CDK10: variants seen among roughly 807,000 people sequenced by gnomAD.
The protein encoded by CDK10 is cyclin dependent kinase 10.
CDK10 carries 55 observed loss-of-function variants against 51.0 expected under a neutral mutation model. The ratio of observed to expected loss-of-function variants is 1.08; its 90% CI spans 0.87 to 1.35. The LOEUF (loss-of-function observed/expected upper bound fraction) is 1.35. CDK10 is among the 40% of genes most tolerant of loss of function. The pLI is 0.00. For synonymous variants in CDK10, 255 were observed against 199.1 expected (o/e 1.28, Z -2.36); for missense variants, 589 against 485.1 (o/e 1.21, Z -2.01).
chr16:89,691,767 G>A (rs761149490), intron 4 of CDK10, 39 bp from the exon 5 acceptor site: 2 of 1,588,046 alleles, frequency 1.3e-6, no homozygotes, highest in Non-Finnish European at 1.7e-6. Context: ...CCCCTTAGGA[G>A]AAGGCCGGAG....
Position 89,695,342 on chromosome 16 carries a change from C to T in CDK10, c.982C>T (p.Leu328=). The T allele has an allele frequency of 1.2e-6, 2 of 1,612,430 alleles. No individual in the cohort carries two copies. Among genetic ancestry groups the T allele is most frequent in the Non-Finnish European group, 1.7e-6 (2 of 1,178,934 alleles). ...GAGCTCCTATTTCAAGGAGAAGCCC[C>T]TACGTGAGTGTGCAGGGTTCCTGAC... ...LESSYFKEKP[L]PCEPELMPTF... The change falls in exon 12 of 13, where the codon CTA becomes TTA. Residue 328 remains leucine (L), a synonymous_variant. Transcript: ENST00000353379.
chr16:89,689,249 C>G lies in CDK10; in HGVS notation c.88-3C>G. 1 of 1,614,038 alleles carries G rather than the reference C, an allele frequency of 6.2e-7. No individual in the cohort carries two copies. The highest frequency in any genetic ancestry group is 8.5e-7 in the Non-Finnish European group (1 of 1,179,914). On this transcript the variant is annotated splice_region_variant and splice_polypyrimidine_tract_variant and intron_variant, in intron 1 of 12. Transcript: ENST00000353379. ...CCACACTGGCAACACCCTTCTGTTTCAGCTGGGACGATGCCGGAGTGTGAA... is the reference window on the plus strand; with the variant it reads ...CCACACTGGCAACACCCTTCTGTTTGAGCTGGGACGATGCCGGAGTGTGAA...
chr16:89,691,631 C>T (rs774582055), intron 4 of CDK10, 86 bp downstream of exon 4: 42 of 1,280,498 alleles, frequency 3.3e-5, no homozygotes, highest in Non-Finnish European at 4.5e-5. Context: ...GACTGAGTGT[C>T]ACTGGGCATG....
chr16:89,691,784 A>T, intron 4 of CDK10, 22 bp from the exon 5 acceptor site: 1 of 1,609,100 alleles, frequency 6.2e-7, no homozygotes. Flanking sequence ...GGAGAGTGGC[A>T]TGCATCTTCT....
At chr16:89,691,266 C>T (rs1219897684) in intron 3 of CDK10, among the ~76,000 whole-genome samples, 177 bp from the exon 4 acceptor site, 5 of 151,522 alleles carry the variant, frequency 3.3e-5, no homozygotes, top group Admixed American at 1.3e-4. Flanking sequence ...GCCTGGGCAA[C>T]GAGCGAAACT....
chr16:89,688,725 T>C (rs1172859754), intron 1 of CDK10, among the ~76,000 whole-genome samples: 1 of 152,132 alleles, frequency 6.6e-6, no homozygotes, highest in African/African-American at 2.4e-5. Context: ...GTATGTGGGA[T>C]TGAAAGGGAG....
intron 8 of CDK10, chr16:89,693,825 A>G (rs2060566673): frequency 1.8e-6 from 1 of 542,740 alleles, no homozygotes; most frequent in Non-Finnish European, 3.3e-6. Flanking sequence ...TTTTAACCAA[A>G]CAGGGTCATG....
chr16:89,687,775 A>C (rs2060264574), intron 1 of CDK10: 1 of 356,276 alleles, frequency 2.8e-6, no homozygotes. Context: ...GGATTTGGAC[A>C]CCCAGAAATA....
At chr16:89,692,927 G>C (rs1410357718) in intron 6 of CDK10, among the ~76,000 whole-genome samples, 1 of 151,728 alleles carries the variant, frequency 6.6e-6, no homozygotes, top group East Asian at 1.9e-4. Context: ...CACGAGGTCA[G>C]GAGATCGAGA....
At position 89,687,127 on chromosome 16, in the gene CDK10, A is replaced by G. The variant is rs1234370778; in HGVS notation, c.87+330A>G. The G allele has an allele frequency of 1.3e-4, 30 of 228,824 alleles. No homozygotes were observed. In the Admixed American group the frequency reaches 1.6e-3, roughly 12 times the overall value. The allele number at this position is 228,824 out of a possible 1,614,324, so 14.2% of individuals were successfully genotyped here. ...CGCCCGAGCTGGGCTTTGCAGGCTG[A>G]GCCGCGAGCCACTTGTTTGTGGGGA... On this transcript the variant is annotated intron_variant, in intron 1 of 12. Transcript: ENST00000353379.
At chr16:89,691,928 T>C (rs779934586) in intron 5 of CDK10, 41 bp downstream of exon 5, 23 of 1,523,118 alleles carry the variant, frequency 1.5e-5, no homozygotes, top group Non-Finnish European at 2.1e-5. Flanking sequence ...ATGGGCTTCA[T>C]GGGCCCTTGT....
chr16:89,692,316 G>A (rs528179593), intron 5 of CDK10, 133 bp from the exon 6 acceptor site: 17 of 645,786 alleles, frequency 2.6e-5, no homozygotes, highest in Middle Eastern at 8.7e-4. Flanking sequence ...CCCCGGGGCC[G>A]AGAGCCTTCT....
intron 9 of CDK10, 68 bp downstream of exon 9, chr16:89,694,300 T>C: frequency 1.3e-6 from 2 of 1,523,636 alleles, no homozygotes; most frequent in Non-Finnish European, 1.8e-6. Flanking sequence ...GTCACCTGGT[T>C]CCTGAGCTCA....
chr16:89,695,444 C>T (rs557939418), intron 12 of CDK10, 99 bp downstream of exon 12: 82 of 1,472,434 alleles, frequency 5.6e-5, no homozygotes, highest in Non-Finnish European at 7.0e-5. Context: ...CCCTCACTGA[C>T]GGCACACCCT....
At position 89,694,668 on chromosome 16, in the gene CDK10, T is replaced by C. The variant is rs565799398; in HGVS notation, c.672T>C (p.Ala224=). ...TTQTTSIDMW[A]VGCILAELLA... is the part of the protein sequence containing the mutation. ...TGAGGTCCACTGTTCTCTGCAGGGC[T>C]GTGGGCTGCATACTGGCCGAGCTGC... is the stretch of plus-strand genomic sequence containing the variant. The change falls in exon 10 of 13, where the codon GCT becomes GCC. Residue 224 remains alanine, a synonymous_variant. Coordinates refer to ENST00000353379, the MANE Select transcript of CDK10 (RefSeq NM_052988.5). The C allele has an allele frequency of 1.3e-6, 2 of 1,589,026 alleles. No individual in the cohort carries two copies. The highest frequency in any genetic ancestry group is 1.7e-6 in the Non-Finnish European group (2 of 1,168,862).
chr16:89,694,838 GC>G (rs1567525074), intron 10 of CDK10, 50 bp downstream of exon 10: 7 of 1,168,336 alleles, frequency 6.0e-6, no homozygotes, highest in Non-Finnish European at 6.7e-6. Flanking sequence ...CACGCCCTCT[GC>G]GCCCGCAGCC....
intron 8 of CDK10, 131 bp downstream of exon 8, chr16:89,693,598 A>G: frequency 2.2e-6 from 2 of 891,028 alleles, no homozygotes; most frequent in South Asian, 3.0e-5. Flanking sequence ...ACACTCAGAA[A>G]CGTTGGGTCT....
chr16:89,692,830 T>C (rs1416730123), intron 6 of CDK10: 1 of 238,550 alleles, frequency 4.2e-6, no homozygotes, highest in Non-Finnish European at 8.1e-6. Flanking sequence ...TAAGAGTTAA[T>C]GAAAAAAAAA....
intron 6 of CDK10, among the ~76,000 whole-genome samples, chr16:89,693,065 G>A (rs1187447942): frequency 6.6e-6 from 1 of 151,748 alleles, no homozygotes; most frequent in Admixed American, 6.6e-5. Flanking sequence ...GTGAACCCGG[G>A]AGGCGGAGCT....
Sources: gnomAD v4.1 joint callset for allele counts (sites outside exome capture counted in the v4.1 genomes callset) on GRCh38, gnomAD v4.1.1 for gene constraint, MANE v1.5 for transcripts, NCBI Gene and HGNC (gene_info 2026-07-23, HGNC 2026-07-21) for gene names.